Variants in CSMD1 observed in about 807,000 individuals in gnomAD.
The protein encoded by CSMD1 is CUB and sushi domain-containing protein 1.
In CSMD1, 213 loss-of-function variants were observed where a neutral mutation model predicts 417.5. The observed-to-expected ratio is 0.51, with a 90% confidence interval of 0.46 to 0.57. The LOEUF is 0.57. CSMD1 is among the 20% of genes least tolerant of loss of function. The pLI is 0.00. For missense variants in CSMD1, 6,923 were observed against 4,529.7 expected (o/e 1.53, Z -15.17); for synonymous variants, 2,862 against 1,736.8 (o/e 1.65, Z -16.11).
chr8:4,668,924 C>CT (rs1399182799), intron 1 of CSMD1, among the ~76,000 whole-genome samples: 1 of 152,064 alleles, frequency 6.6e-6, no homozygotes, highest in African/African-American at 2.4e-5. Flanking sequence ...ATTTTATTCT[C>CT]TTTTTCTAAT....
chr8:4,955,290 G>T (rs10081536), intron 1 of CSMD1, among the ~76,000 whole-genome samples: 25,069 of 152,052 alleles, frequency 0.16, 2,343 homozygotes, highest in African/African-American at 0.25. Context: ...GCATAAACTT[G>T]TAATTAATTT....
At chr8:4,252,490 G>C (rs538745180) in intron 3 of CSMD1, among the ~76,000 whole-genome samples, 1 of 152,338 alleles carries the variant, frequency 6.6e-6, no homozygotes, top group East Asian at 1.9e-4. Context: ...CAGGGCTTTT[G>C]AGAAGCCAGA....
chr8:4,287,653 G>A (rs1483198221), intron 3 of CSMD1, among the ~76,000 whole-genome samples: 2 of 92,958 alleles, frequency 2.2e-5, no homozygotes, highest in African/African-American at 6.5e-5. Flanking sequence ...CTCGTCATAG[G>A]TGGTATTATT....
chr8:4,893,985 G>T (rs9650521), intron 1 of CSMD1, among the ~76,000 whole-genome samples: 123,888 of 152,052 alleles, frequency 0.81, 50,840 homozygotes, highest in East Asian at 0.96. Flanking sequence ...TTTTCAAGAA[G>T]GATTTCAACA....
At chr8:4,428,872 G>T (rs1797711097) in intron 2 of CSMD1, among the ~76,000 whole-genome samples, 1 of 151,834 alleles carries the variant, frequency 6.6e-6, no homozygotes. Context: ...GCACCACCAC[G>T]TCCAGCTAAT....
chr8:4,408,913 G>C (rs78506685), intron 3 of CSMD1, among the ~76,000 whole-genome samples: 90 of 152,240 alleles, frequency 5.9e-4, no homozygotes, highest in Middle Eastern at 3.4e-3. Context: ...ACTTTAGGTA[G>C]CAAGAACATC....
At chr8:3,823,240 A>C (rs1315785238) in intron 5 of CSMD1, among the ~76,000 whole-genome samples, 1 of 152,196 alleles carries the variant, frequency 6.6e-6, no homozygotes, top group Non-Finnish European at 1.5e-5. Flanking sequence ...AATAAATAAA[A>C]TAGCTGAGAA....
At chr8:4,813,876 A>G (rs976923350) in intron 1 of CSMD1, among the ~76,000 whole-genome samples, 3 of 152,194 alleles carry the variant, frequency 2.0e-5, no homozygotes, top group African/African-American at 7.2e-5. Context: ...TGTGTTTTCC[A>G]TTAGAGAATA....
At chr8:3,768,661 T>G (rs1370357687) in intron 5 of CSMD1, among the ~76,000 whole-genome samples, 7 of 152,210 alleles carry the variant, frequency 4.6e-5, no homozygotes, top group Non-Finnish European at 7.3e-5. Context: ...AGCTCAGAAC[T>G]TTTAAGTGTT....
chr8:3,657,646 G>C (rs916697175), intron 7 of CSMD1, among the ~76,000 whole-genome samples: 3 of 152,104 alleles, frequency 2.0e-5, no homozygotes, highest in African/African-American at 7.2e-5. Flanking sequence ...GTTGAACAAT[G>C]AGAACACATG....
intron 3 of CSMD1, among the ~76,000 whole-genome samples, chr8:4,034,714 G>C (rs1021536935): frequency 2.6e-5 from 4 of 152,112 alleles, no homozygotes; most frequent in Non-Finnish European, 2.9e-5. Flanking sequence ...AAAGCTTTTT[G>C]ATGTTTTTCT....
intron 5 of CSMD1, among the ~76,000 whole-genome samples, chr8:3,762,756 T>C (rs1393687096): frequency 2.0e-5 from 3 of 152,180 alleles, no homozygotes; most frequent in Admixed American, 6.5e-5. Context: ...GCTTGGTTTA[T>C]TCCCAGAGAG....
chr8:3,291,747 A>T lies in CSMD1; in HGVS notation c.3951-7401T>A, dbSNP rs868663892. 5.9e-5 allele frequency among the ~76,000 whole-genome samples: 9 copies of T among 151,874 alleles called. 1 individual carries two copies. The South Asian group carries it at 1.2e-3, about 21-fold the overall frequency. ...TCTTTATTTGTCTTGCTAGTGGTTT[A>T]TCAGTTTTGTTGATCTGTCCAAAAA... On this transcript the variant is annotated intron_variant, in intron 25 of 69. Coordinates refer to ENST00000635120, the MANE Select transcript of CSMD1 (RefSeq NM_033225.6).
rs184860034 is a variant in CSMD1, at chr8:4,686,104, A to C, written c.86-48546T>G. Among the ~76,000 whole-genome samples the C allele has an allele frequency of 2.4e-3, 363 of 152,278 alleles. 5 individuals are homozygous for C. Among genetic ancestry groups the C allele is most frequent in the Non-Finnish European group, 5.3e-4 (36 of 68,026 alleles). On this transcript the variant is annotated intron_variant, in intron 1 of 69. Coordinates refer to ENST00000635120, the MANE Select transcript of CSMD1 (RefSeq NM_033225.6). ...TGTGTCATTCACTTTTTCGTTACAGAAGCTGTGTCAGAAAATTTGAGATGC... is the reference window on the plus strand; with the variant it reads ...TGTGTCATTCACTTTTTCGTTACAGCAGCTGTGTCAGAAAATTTGAGATGC...
At chr8:4,061,414 C>G (rs1441876845) in intron 3 of CSMD1, among the ~76,000 whole-genome samples, 1 of 152,202 alleles carries the variant, frequency 6.6e-6, no homozygotes, top group East Asian at 1.9e-4. Context: ...AGCTTCCTAG[C>G]ACTCTTCCAA....
chr8:4,350,203 A>G (rs1461370226), intron 3 of CSMD1, among the ~76,000 whole-genome samples: 1 of 152,112 alleles, frequency 6.6e-6, no homozygotes, highest in African/African-American at 2.4e-5. Flanking sequence ...TACAATTGCA[A>G]GGCTCTGTCA....
At chr8:4,795,333 A>G (rs569954819) in intron 1 of CSMD1, among the ~76,000 whole-genome samples, 98 of 120,384 alleles carry the variant, frequency 8.1e-4, no homozygotes, top group African/African-American at 3.1e-3. Flanking sequence ...GTGCAGTGAC[A>G]CGATCTTGGC....
intron 3 of CSMD1, among the ~76,000 whole-genome samples, chr8:4,061,467 A>G (rs1014524775): frequency 7.9e-5 from 12 of 152,238 alleles, no homozygotes; most frequent in African/African-American, 2.7e-4. Context: ...ATAAGAAACC[A>G]AAGAGGTGGC....
chr8:4,180,269 C>G (rs1798285483), intron 3 of CSMD1, among the ~76,000 whole-genome samples: 2 of 151,878 alleles, frequency 1.3e-5, no homozygotes, highest in African/African-American at 4.8e-5. Context: ...GAGTTCATGT[C>G]CTTTGTAGGG....
Sources: allele counts gnomAD v4.1 joint callset (sites outside exome capture counted in the v4.1 genomes callset), GRCh38; gene constraint gnomAD v4.1.1; transcripts MANE v1.5; gene names NCBI Gene and HGNC (gene_info 2026-07-23, HGNC 2026-07-21).